Variants in COL18A1 observed in about 807,000 individuals in gnomAD.
The protein encoded by COL18A1 is collagen type XVIII alpha 1 chain.
COL18A1 carries 133 observed loss-of-function variants against 168.0 expected under a neutral mutation model. The ratio of observed to expected loss-of-function variants is 0.79; its 90% confidence interval spans 0.69 to 0.91. COL18A1 has a LOEUF of 0.91. COL18A1 is among the 40% of genes least tolerant of loss of function. The pLI is 0.00. For missense variants in COL18A1, 2,126 were observed against 1,925.4 expected (o/e 1.10, Z -1.95); for synonymous variants, 949 against 809.0 (o/e 1.17, Z -2.94).
In COL18A1 at chr21:45,457,779, C is replaced by T. The variant is rs1012036824; in HGVS notation, c.107-10463C>T. On this transcript the variant is annotated intron_variant, in intron 2 of 41. Coordinates refer to ENST00000651438, the MANE Select transcript of COL18A1 (RefSeq NM_001379500.1). This position sits in a 1 kb window ranked among gnomAD's most constrained non-coding sequence, Gnocchi z 4.6. Reference sequence around the variant, plus strand: ...TCCTCTGCTGTCCTCCCCATAGTGCCGAGGGGAAGCAGCCTTGCTGTTTGC... The same window carrying T: ...TCCTCTGCTGTCCTCCCCATAGTGCTGAGGGGAAGCAGCCTTGCTGTTTGC... Among the ~76,000 whole-genome samples the T allele has an allele frequency of 3.9e-5, 6 of 152,176 alleles. No homozygotes were observed. Among genetic ancestry groups the T allele is most frequent in the Non-Finnish European group, 5.9e-5 (4 of 68,038 alleles).
rs1441265653 is a variant in COL18A1, at chr21:45,494,413, G to T, written c.2353-132G>T. 23 of 1,310,490 alleles carry T rather than the reference G, an allele frequency of 1.8e-5. No individual in the cohort carries two copies. The South Asian group carries it at 2.8e-4, about 16-fold the overall frequency. The allele number at this position is 1,310,490 out of a possible 1,614,324, so 81.2% of individuals were successfully genotyped here. A position where few individuals can be genotyped will look rare whatever the true frequency, so the allele number is the denominator to read the frequency against. ...CCAGTGCACCCAAAGGGACCACAGC[G>T]GCCCTTAGGGAGGCTATCAGGTGGG... On this transcript the variant is annotated intron_variant, in intron 26 of 41. Transcript: ENST00000651438.
chr21:45,480,368 A>T (rs1456404464), intron 11 of COL18A1, 99 bp from the exon 12 acceptor site: 1 of 1,607,102 alleles, frequency 6.2e-7, no homozygotes, highest in Non-Finnish European at 8.5e-7. Context: ...AGCTCCTTGT[A>T]GAAACAGCTC....
chr21:45,493,798 C>G, intron 26 of COL18A1: 1 of 573,508 alleles, frequency 1.7e-6, no homozygotes. Flanking sequence ...TCTCCCTACC[C>G]CTGAGCCCAC....
Position 45,411,840 on chromosome 21 carries a change from T to A in COL18A1, c.106+6367T>A, listed in dbSNP as rs1036354863. Among the ~76,000 whole-genome samples the A allele has an allele frequency of 4.0e-5, 6 of 150,552 alleles. No individual in the cohort carries two copies. In the Admixed American group the frequency reaches 4.0e-4, roughly 10 times the overall value. On this transcript the variant is annotated intron_variant, in intron 2 of 41. Transcript: ENST00000651438. Reference sequence around the variant, plus strand: ...TCGCTTCTGATGGGCGACGTTCATTTACACACAGCTCTGCGGCCCAAACGG... The same window carrying A: ...TCGCTTCTGATGGGCGACGTTCATTAACACACAGCTCTGCGGCCCAAACGG...
At chr21:45,497,233 C>G in intron 31 of COL18A1, 141 bp downstream of exon 31, 1 of 717,680 alleles carries the variant, frequency 1.4e-6, no homozygotes, top group South Asian at 1.5e-5. Flanking sequence ...CGCCCCAGTT[C>G]CGATGACCTT....
chr21:45,459,735 G>C (rs1223932074), intron 2 of COL18A1, among the ~76,000 whole-genome samples: 1 of 152,216 alleles, frequency 6.6e-6, no homozygotes, highest in Non-Finnish European at 1.5e-5. Context: ...GGCCGGGGTG[G>C]GGTAGGGAGG....
intron 34 of COL18A1, among the ~76,000 whole-genome samples, 194 bp downstream of exon 34, chr21:45,504,750 C>A (rs551535978): frequency 5.3e-5 from 8 of 152,216 alleles, no homozygotes; most frequent in African/African-American, 1.9e-4. Context: ...ACCCCGGACA[C>A]CCCCCGTCCC....
chr21:45,411,778 A>AGGGG (rs1569273645), intron 2 of COL18A1, among the ~76,000 whole-genome samples: 1 of 108,318 alleles, frequency 9.2e-6, no homozygotes, highest in Admixed American at 1.1e-4. Flanking sequence ...GGGGGGGGGC[A>AGGGG]GGCTGTGGTC....
At chr21:45,418,080 C>T (rs535539938) in intron 2 of COL18A1, among the ~76,000 whole-genome samples, 12 of 152,308 alleles carry the variant, frequency 7.9e-5, no homozygotes, top group East Asian at 1.9e-4. Flanking sequence ...TGAGTGGGGG[C>T]GCCTGGCGTG....
intron 20 of COL18A1, 105 bp downstream of exon 20, chr21:45,490,451 T>TCTCCATGTTCCCTCGTGGGTCCCTGGGC: frequency 1.4e-6 from 1 of 728,650 alleles, no homozygotes; most frequent in Non-Finnish European, 2.1e-6. Flanking sequence ...GGTCCCTGGG[T>TCTCCATGTTCCCTCGTGGGTCCCTGGGC]CTCCATGTGC....
intron 4 of COL18A1, among the ~76,000 whole-genome samples, chr21:45,475,187 G>A (rs530353785): frequency 9.2e-5 from 14 of 152,342 alleles, no homozygotes; most frequent in South Asian, 4.1e-4. Flanking sequence ...AGAGAGGAGC[G>A]CGTTCCCCCT....
At chr21:45,434,245 C>A (rs887778664) in intron 2 of COL18A1, among the ~76,000 whole-genome samples, 3 of 152,150 alleles carry the variant, frequency 2.0e-5, no homozygotes, top group African/African-American at 7.2e-5. Flanking sequence ...TGTGGCAGGG[C>A]AGGACAGAAG....
intron 13 of COL18A1, 75 bp downstream of exon 13, chr21:45,480,933 C>T (rs2035869928): frequency 6.5e-7 from 1 of 1,530,028 alleles, no homozygotes; most frequent in Non-Finnish European, 8.8e-7. Context: ...CACATGGGAG[C>T]CCCTGCCCCG....
At chr21:45,418,767 A>AGCCACCTCACGCCACTTCCTGG (rs1265496373) in intron 2 of COL18A1, among the ~76,000 whole-genome samples, 1 of 151,592 alleles carries the variant, frequency 6.6e-6, no homozygotes, top group Admixed American at 6.6e-5. Context: ...GGGGCCTCCA[A>AGCCACCTCACGCCACTTCCTGG]GGCTGTCTCT....
chr21:45,510,946 CCCACAACA>C (rs2037545680), intron 40 of COL18A1, among the ~76,000 whole-genome samples, 157 bp from the exon 41 acceptor site: 2 of 57,412 alleles, frequency 3.5e-5, no homozygotes, highest in Non-Finnish European at 6.1e-5. Context: ...AAAACACACA[CCCACAACA>C]CCCCACATAC....
At chr21:45,486,644 T>G (rs1297397268) in intron 15 of COL18A1, among the ~76,000 whole-genome samples, 1 of 152,244 alleles carries the variant, frequency 6.6e-6, no homozygotes, top group Non-Finnish European at 1.5e-5. Flanking sequence ...AAGTTCGGGC[T>G]CCGTGGCTCT....
Position 45,457,323 on chromosome 21 carries a change from G to A in COL18A1, c.107-10919G>A, listed in dbSNP as rs2034869560. ...GCACGGTTCGATGCGCTTCCTGGGA[G>A]CCCCAGCGTGCTCGGGCCAAGGGTG... On this transcript the variant is annotated intron_variant, in intron 2 of 41. Transcript: ENST00000651438. The surrounding 1 kb of genome is among the most constrained non-coding windows in gnomAD (Gnocchi z 4.6). Among the ~76,000 whole-genome samples, 1 of 152,192 alleles carries A rather than the reference G, an allele frequency of 6.6e-6. No individual in the cohort carries two copies. Among genetic ancestry groups the A allele is most frequent in the South Asian group, 2.1e-4 (1 of 4,826 alleles).
Position 45,478,370 on chromosome 21 carries a change from T to G in COL18A1, c.1248+17T>G, listed in dbSNP as rs1464117708. On this transcript the variant is annotated intron_variant, in intron 9 of 41. Transcript: ENST00000651438. ...GGAAAGCCGGTGAGTCTGCTTTTCT[T>G]TCTGACCCCTGTGTTATCTGTGATG... The G allele has an allele frequency of 6.2e-7, 1 of 1,614,134 alleles. No homozygotes were observed. Among genetic ancestry groups the G allele is most frequent in the Admixed American group, 1.7e-5 (1 of 60,016 alleles).
rs2035106538 is a variant in COL18A1 at position 45,463,487 on chromosome 21, G to C, written c.107-4755G>C. Among the ~76,000 whole-genome samples, 1 of 152,236 alleles carries C rather than the reference G, an allele frequency of 6.6e-6. No individual in the cohort carries two copies. Among genetic ancestry groups the C allele is most frequent in the South Asian group, 2.1e-4 (1 of 4,832 alleles). Reference sequence around the variant, plus strand: ...CTCCAGAGTTCCAAAAGAGTTCTAAGACAAATTCTGCCCATGCACTTGTTA... The same window carrying C: ...CTCCAGAGTTCCAAAAGAGTTCTAACACAAATTCTGCCCATGCACTTGTTA... On this transcript the variant is annotated intron_variant, in intron 2 of 41. Coordinates refer to ENST00000651438, the MANE Select transcript of COL18A1 (RefSeq NM_001379500.1). The surrounding 1 kb of genome is among the most constrained non-coding windows in gnomAD (Gnocchi z 4.0).
Sources: gnomAD v4.1 joint callset for allele counts (sites outside exome capture counted in the v4.1 genomes callset) on GRCh38, gnomAD v4.1.1 for gene constraint, Gnocchi (gnomAD v3.1) non-coding constraint, MANE v1.5 for transcripts, NCBI Gene and HGNC (gene_info 2026-07-23, HGNC 2026-07-21) for gene names.